COL8A1: variants seen among roughly 807,000 people sequenced by gnomAD.
COL8A1 encodes the protein collagen alpha-1(VIII) chain.
COL8A1 carries 21 observed loss-of-function variants against 42.7 expected under a neutral mutation model. The ratio of observed to expected loss-of-function variants is 0.49; its 90% CI spans 0.35 to 0.71. The LOEUF (loss-of-function observed/expected upper bound fraction) is 0.71, where lower values mean the gene tolerates loss of function less well. COL8A1 is among the 30% of genes least tolerant of loss of function. COL8A1 has a pLI of 0.01. For synonymous variants in COL8A1, 367 were observed against 369.1 expected (o/e 0.99, Z 0.06); for missense variants, 788 against 962.4 (o/e 0.82, Z 2.40).
intron 1 of COL8A1, among the ~76,000 whole-genome samples, chr3:99,733,899 G>A (rs1321377565): frequency 6.6e-6 from 1 of 152,172 alleles, no homozygotes; most frequent in African/African-American, 2.4e-5. Flanking sequence ...CTGATGGCCA[G>A]TGATGATGAG....
chr3:99,750,049 C>CTTTTTTTTTTTTTTTTTTTTTT lies in COL8A1; in HGVS notation c.-4+5032_-4+5053dup, dbSNP rs1176042144. On this transcript the variant is annotated intron_variant, in intron 2 of 3. Transcript: ENST00000652472. ...GCCAACTTCTTTTTCTTTTTTTCTT[C>CTTTTTTTTTTTTTTTTTTTTTT]TTTTTTTTTTTTTTTTTTTTTTTTT... 9.4e-4 allele frequency among the ~76,000 whole-genome samples: 62 copies of CTTTTTTTTTTTTTTTTTTTTTT among 65,964 alleles called. 2 individuals carry two copies. Among genetic ancestry groups the CTTTTTTTTTTTTTTTTTTTTTT allele is most frequent in the East Asian group, 2.1e-3 (4 of 1,888 alleles). The allele number at this position is 65,964 out of a possible 152,430, so 43.3% of individuals were successfully genotyped here. A position where few individuals can be genotyped will look rare whatever the true frequency, so the allele number is the denominator to read the frequency against.
chr3:99,757,600 A>G (rs890949585), intron 2 of COL8A1, among the ~76,000 whole-genome samples: 2 of 152,160 alleles, frequency 1.3e-5, no homozygotes, highest in Admixed American at 6.6e-5. Context: ...ACTTAAACTT[A>G]TATCAGTTCA....
At chr3:99,728,816 C>T (rs1940414055) in intron 1 of COL8A1, among the ~76,000 whole-genome samples, 1 of 151,974 alleles carries the variant, frequency 6.6e-6, no homozygotes, top group Non-Finnish European at 1.5e-5. Flanking sequence ...TTACTTCACT[C>T]TTTTTGGTTC....
intron 1 of COL8A1, among the ~76,000 whole-genome samples, chr3:99,680,994 T>C (rs1938862327): frequency 6.6e-6 from 1 of 152,134 alleles, no homozygotes; most frequent in African/African-American, 2.4e-5. Flanking sequence ...TAATTCAAGA[T>C]GGATTGAAGA....
chr3:99,643,140 G>T (rs1420174945), intron 1 of COL8A1, among the ~76,000 whole-genome samples: 1 of 152,202 alleles, frequency 6.6e-6, no homozygotes, highest in Non-Finnish European at 1.5e-5. Context: ...CATACAGCCA[G>T]TTTCTCCAGC....
chr3:99,778,214 T>G (rs963712197), intron 2 of COL8A1, among the ~76,000 whole-genome samples: 1 of 152,150 alleles, frequency 6.6e-6, no homozygotes, highest in South Asian at 2.1e-4. Flanking sequence ...CTCTGTCCAG[T>G]CCCTGGCATG....
chr3:99,721,127 C>G (rs1173890156), intron 1 of COL8A1, among the ~76,000 whole-genome samples: 2 of 152,008 alleles, frequency 1.3e-5, no homozygotes, highest in Non-Finnish European at 2.9e-5. Flanking sequence ...AGCAAACATG[C>G]CATCCCCTTT....
intron 2 of COL8A1, among the ~76,000 whole-genome samples, chr3:99,759,757 G>A (rs1259093955): frequency 6.6e-6 from 1 of 152,168 alleles, no homozygotes; most frequent in African/African-American, 2.4e-5. Context: ...AAAAAGAATA[G>A]ATAGAACAAT....
At chr3:99,671,056 CTCT>C (rs1437443901) in intron 1 of COL8A1, among the ~76,000 whole-genome samples, 2 of 151,494 alleles carry the variant, frequency 1.3e-5, no homozygotes, top group African/African-American at 2.4e-5. Flanking sequence ...TCTGCAAATT[CTCT>C]ATAAATCTAC....
At chr3:99,726,670 TC>T (rs1940338378) in intron 1 of COL8A1, among the ~76,000 whole-genome samples, 1 of 152,150 alleles carries the variant, frequency 6.6e-6, no homozygotes, top group African/African-American at 2.4e-5. Flanking sequence ...AAATAGGGAA[TC>T]CTTTCCCCAT....
chr3:99,640,334 G>A (rs866698454), intron 1 of COL8A1, among the ~76,000 whole-genome samples: 2 of 152,164 alleles, frequency 1.3e-5, no homozygotes, highest in Admixed American at 6.5e-5. Context: ...AAGAGTACAG[G>A]TATGGGACAA....
At chr3:99,676,581 C>T (rs1938704776) in intron 1 of COL8A1, among the ~76,000 whole-genome samples, 1 of 152,030 alleles carries the variant, frequency 6.6e-6, no homozygotes, top group African/African-American at 2.4e-5. Context: ...AGAAGACTTC[C>T]TTGACATGAC....
chr3:99,662,806 C>A (rs938707559), intron 1 of COL8A1, among the ~76,000 whole-genome samples: 3 of 152,128 alleles, frequency 2.0e-5, no homozygotes, highest in Non-Finnish European at 4.4e-5. Flanking sequence ...TGCATCACCC[C>A]AATCTCTGCC....
chr3:99,722,685 T>C (rs1940189822), intron 1 of COL8A1, among the ~76,000 whole-genome samples: 1 of 152,114 alleles, frequency 6.6e-6, no homozygotes. Context: ...CTCTTCATTT[T>C]ATAGTTGCAA....
rs71625531 is a variant in COL8A1, at chr3:99,669,146, T to TAG, written c.-129+30485_-129+30486dup. On this transcript the variant is annotated intron_variant, in intron 1 of 3. Transcript: ENST00000652472. ...AATTATATATATATATATATATATA[T>TAG]AGAGGGAGAGAGAGAGAGAGAGAGA... Among the ~76,000 whole-genome samples, 21 of 115,390 alleles carry TAG rather than the reference T, an allele frequency of 1.8e-4. 1 individual carries two copies. Among genetic ancestry groups the TAG allele is most frequent in the African/African-American group, 3.0e-4 (10 of 32,878 alleles). The allele number at this position is 115,390 out of a possible 152,430, so 75.7% of individuals were successfully genotyped here.
At chr3:99,731,841 A>T (rs1940520132) in intron 1 of COL8A1, among the ~76,000 whole-genome samples, 1 of 152,186 alleles carries the variant, frequency 6.6e-6, no homozygotes, top group South Asian at 2.1e-4. Context: ...TGGAGGTCAG[A>T]TGGTGTCCTT....
At chr3:99,727,253 A>G (rs1316058165) in intron 1 of COL8A1, among the ~76,000 whole-genome samples, 3 of 152,092 alleles carry the variant, frequency 2.0e-5, no homozygotes, top group Non-Finnish European at 2.9e-5. Flanking sequence ...TGATTTTTGC[A>G]CATTGATTTT....
chr3:99,655,892 A>G (rs1007616451), intron 1 of COL8A1, among the ~76,000 whole-genome samples: 1 of 152,248 alleles, frequency 6.6e-6, no homozygotes, highest in African/African-American at 2.4e-5. Flanking sequence ...AAGTGCACTG[A>G]CAGAAGGAAG....
At chr3:99,702,874 A>C (rs1243530590) in intron 1 of COL8A1, among the ~76,000 whole-genome samples, 3 of 152,212 alleles carry the variant, frequency 2.0e-5, no homozygotes, top group African/African-American at 7.2e-5. Context: ...GCTTTTTTAT[A>C]GACATGGTCA....
Sources: gnomAD v4.1 joint callset for allele counts (sites outside exome capture counted in the v4.1 genomes callset) on GRCh38, gnomAD v4.1.1 for gene constraint, MANE v1.5 for transcripts, NCBI Gene and HGNC (gene_info 2026-07-23, HGNC 2026-07-21) for gene names.